GALNT7: variants seen among roughly 807,000 people sequenced by gnomAD.
GALNT7 encodes polypeptide N-acetylgalactosaminyltransferase 7, also known as N-acetylgalactosaminyltransferase 7.
GALNT7 carries 60 observed loss-of-function variants against 82.1 expected under a neutral mutation model. The ratio of observed to expected loss-of-function variants is 0.73; its 90% CI spans 0.59 to 0.91. The LOEUF (loss-of-function observed/expected upper bound fraction) is 0.91, where lower values mean the gene tolerates loss of function less well. GALNT7 is among the 40% of genes least tolerant of loss of function. The pLI is 0.00. For missense variants in GALNT7, 660 were observed against 804.2 expected, an observed-to-expected ratio of 0.82 and a Z score of 2.17; for synonymous variants, 243 against 275.1, an observed-to-expected ratio of 0.88 and a Z score of 1.15.
intron 1 of GALNT7, among the ~76,000 whole-genome samples, chr4:173,209,006 T>A (rs1733188952): frequency 6.6e-6 from 1 of 152,224 alleles, no homozygotes; most frequent in South Asian, 2.1e-4. Flanking sequence ...TAGAGATTCA[T>A]CTTTTGTTCA....
intron 2 of GALNT7, among the ~76,000 whole-genome samples, chr4:173,275,417 C>T (rs918444702): frequency 2.0e-5 from 3 of 152,186 alleles, no homozygotes; most frequent in Admixed American, 1.3e-4. Flanking sequence ...CTGCATCCCA[C>T]AGACTATGGG....
chr4:173,210,173 T>C (rs1333250765), intron 1 of GALNT7, among the ~76,000 whole-genome samples: 2 of 151,982 alleles, frequency 1.3e-5, no homozygotes, highest in African/African-American at 4.8e-5. Context: ...TATTTAATTA[T>C]GCTTACCTAG....
At chr4:173,210,499 G>A (rs1319278623) in intron 1 of GALNT7, among the ~76,000 whole-genome samples, 2 of 152,030 alleles carry the variant, frequency 1.3e-5, no homozygotes, top group African/African-American at 4.8e-5. Context: ...TGTCGCCCAG[G>A]CTGAAGTGAG....
chr4:173,181,761 A>G (rs1732257839), intron 1 of GALNT7, among the ~76,000 whole-genome samples: 1 of 152,238 alleles, frequency 6.6e-6, no homozygotes, highest in Admixed American at 6.5e-5. Flanking sequence ...TGCCGGTATC[A>G]TCCAAGTATT....
intron 2 of GALNT7, among the ~76,000 whole-genome samples, chr4:173,281,700 T>A (rs896718498): frequency 1.1e-4 from 17 of 152,204 alleles, no homozygotes; most frequent in Non-Finnish European, 2.2e-4. Context: ...CCTCCAAAGC[T>A]GGGAAATGGA....
intron 2 of GALNT7, among the ~76,000 whole-genome samples, chr4:173,253,153 G>A (rs1181417871): frequency 1.3e-5 from 2 of 151,412 alleles, no homozygotes; most frequent in East Asian, 3.9e-4. Context: ...AGTGAGCCGA[G>A]ATCACACCAC....
chr4:173,210,979 A>G (rs927454107), intron 1 of GALNT7, among the ~76,000 whole-genome samples: 4 of 152,194 alleles, frequency 2.6e-5, no homozygotes, highest in African/African-American at 9.6e-5. Context: ...TAGTGTATTC[A>G]AAAGAATGTA....
intron 1 of GALNT7, among the ~76,000 whole-genome samples, chr4:173,222,627 G>A (rs994990201): frequency 3.9e-5 from 6 of 152,284 alleles, no homozygotes; most frequent in South Asian, 4.1e-4. Context: ...TTTGTATAAA[G>A]TGTTCTCCTA....
intron 2 of GALNT7, among the ~76,000 whole-genome samples, chr4:173,289,761 T>C (rs951382711): frequency 3.3e-5 from 5 of 152,196 alleles, no homozygotes; most frequent in Admixed American, 2.0e-4. Flanking sequence ...AAAGGGCTTC[T>C]GTACTGGACC....
At chr4:173,229,198 C>T (rs1282482871) in intron 1 of GALNT7, among the ~76,000 whole-genome samples, 1 of 152,136 alleles carries the variant, frequency 6.6e-6, no homozygotes, top group Non-Finnish European at 1.5e-5. Flanking sequence ...ATGAGTATAT[C>T]ATTTCCTGCA....
chr4:173,264,583 A>G (rs1039302987), intron 2 of GALNT7, among the ~76,000 whole-genome samples: 10 of 152,196 alleles, frequency 6.6e-5, no homozygotes, highest in African/African-American at 2.2e-4. Flanking sequence ...ATCCTTTTTC[A>G]AGTGACTTCC....
intron 1 of GALNT7, among the ~76,000 whole-genome samples, chr4:173,239,634 T>C (rs1734354732): frequency 6.6e-6 from 1 of 152,230 alleles, no homozygotes; most frequent in South Asian, 2.1e-4. Flanking sequence ...TTCCTGAGTT[T>C]AAATGTGCTG....
chr4:173,271,030 A>G (rs1006109288), intron 2 of GALNT7, among the ~76,000 whole-genome samples: 2 of 152,252 alleles, frequency 1.3e-5, no homozygotes, highest in Admixed American at 1.3e-4. Context: ...AAATCTTTCA[A>G]TTAACCTATT....
chr4:173,274,084 A>G (rs1735819263), intron 2 of GALNT7, among the ~76,000 whole-genome samples: 1 of 152,210 alleles, frequency 6.6e-6, no homozygotes, highest in African/African-American at 2.4e-5. Flanking sequence ...ACACTGTGAA[A>G]TGTTCTTTTT....
intron 1 of GALNT7, among the ~76,000 whole-genome samples, chr4:173,205,418 C>G (rs1474261940): frequency 6.6e-6 from 1 of 151,876 alleles, no homozygotes; most frequent in East Asian, 1.9e-4. Context: ...TCAGCAGGGT[C>G]TGCTGGGCTG....
At position 173,234,909 on chromosome 4, in the gene GALNT7, C is replaced by T. The variant is rs149112185; in HGVS notation, c.127-13071C>T. Among the ~76,000 whole-genome samples the T allele has an allele frequency of 7.7e-3, 1,166 of 152,348 alleles. 5 individuals carry two copies. The highest frequency in any genetic ancestry group is 0.012 in the Non-Finnish European group (844 of 68,028). On this transcript the variant is annotated intron_variant, in intron 1 of 11. Transcript: ENST00000265000. ...CACACCTGCTTCCCTTCCCTACTGC[C>T]ATGCATGGAAGCAGCCTGAGGCCCT...
rs1325161890 is a variant in GALNT7 at position 173,182,814 on chromosome 4, T to TAA, written c.126+13854_126+13855dup. 5.4e-5 allele frequency among the ~76,000 whole-genome samples: 5 copies of TAA among 91,966 alleles called. No homozygotes were observed. The South Asian group carries it at 1.2e-3, about 22-fold the overall frequency. 60.3% of individuals were successfully genotyped at this position (91,966 alleles called of 152,430 possible). A position where few individuals can be genotyped will look rare whatever the true frequency, so the allele number is the denominator to read the frequency against. ...AATGATGAGGCTAGTAGGTTACTCATAATACACACACACACACACACACAC... is the reference window on the plus strand; with the variant it reads ...AATGATGAGGCTAGTAGGTTACTCATAAAATACACACACACACACACACACAC... On this transcript the variant is annotated intron_variant, in intron 1 of 11. Coordinates refer to ENST00000265000, the MANE Select transcript of GALNT7 (RefSeq NM_017423.3).
intron 5 of GALNT7, among the ~76,000 whole-genome samples, chr4:173,297,005 A>G (rs1318194111): frequency 6.6e-6 from 1 of 152,180 alleles, no homozygotes; most frequent in Non-Finnish European, 1.5e-5. Context: ...TGTCATTTTC[A>G]TTTTAGGAAA....
intron 9 of GALNT7, chr4:173,316,631 T>C (rs1036046733): frequency 2.6e-5 from 4 of 152,262 alleles, no homozygotes; most frequent in African/African-American, 9.6e-5. Context: ...AGGTACTTAA[T>C]ATTTGATGAT....
Sources: gnomAD v4.1 joint callset for allele counts (sites outside exome capture counted in the v4.1 genomes callset) on GRCh38, gnomAD v4.1.1 for gene constraint, MANE v1.5 for transcripts, NCBI Gene and HGNC (gene_info 2026-07-23, HGNC 2026-07-21) for gene names.